Variants in NIBAN1 observed in about 807,000 individuals in gnomAD.
NIBAN1 encodes the protein niban apoptosis regulator 1, also known as protein Niban 1.
Under a neutral mutation model 75.1 loss-of-function variants are expected in NIBAN1, and 81 were observed. The ratio of observed to expected loss-of-function variants is 1.08; its 90% CI spans 0.90 to 1.30. NIBAN1 has a LOEUF of 1.30. Ranked by LOEUF, NIBAN1 falls within the 50% of genes most tolerant of loss-of-function variation. The probability of loss-of-function intolerance (pLI) is 0.00; values close to 1 mark genes in which losing one functional copy is unlikely to be tolerated. For synonymous variants in NIBAN1, 436 were observed against 424.8 expected (o/e 1.03, Z -0.32); for missense variants, 1,133 against 1,128.1 (o/e 1.00, Z -0.06).
chr1:184,855,653 C>T (rs1398200035), intron 5 of NIBAN1, among the ~76,000 whole-genome samples: 1 of 152,198 alleles, frequency 6.6e-6, no homozygotes, highest in East Asian at 1.9e-4. Context: ...TTGCTACATT[C>T]TGTCATGCTA....
intron 1 of NIBAN1, among the ~76,000 whole-genome samples, chr1:184,948,866 A>G (rs536806166): frequency 1.4e-4 from 21 of 152,274 alleles, no homozygotes; most frequent in Admixed American, 1.3e-3. Flanking sequence ...GGAAATAGAT[A>G]CTTATATTAC....
chr1:184,803,933 A>G (rs1445980638), intron 11 of NIBAN1, among the ~76,000 whole-genome samples: 3 of 152,224 alleles, frequency 2.0e-5, no homozygotes, highest in Non-Finnish European at 2.9e-5. Flanking sequence ...CAAGATCAAA[A>G]CAGAATGGTG....
intron 9 of NIBAN1, 86 bp from the exon 10 acceptor site, chr1:184,808,321 C>A: frequency 7.6e-7 from 1 of 1,322,270 alleles, no homozygotes; most frequent in South Asian, 1.4e-5. Flanking sequence ...ACATTCTAAG[C>A]AATCAAATGC....
chr1:184,826,529 G>A (rs1009532024), intron 6 of NIBAN1, among the ~76,000 whole-genome samples: 8 of 152,190 alleles, frequency 5.3e-5, no homozygotes, highest in African/African-American at 1.7e-4. Context: ...TGTGGTATGG[G>A]AAGAGTGAGC....
At chr1:184,895,101 T>C (rs1251500474) in intron 2 of NIBAN1, among the ~76,000 whole-genome samples, 2 of 152,178 alleles carry the variant, frequency 1.3e-5, no homozygotes, top group Admixed American at 1.3e-4. Context: ...AAAATAGATA[T>C]GCCAATCTCT....
At chr1:184,822,805 G>A (rs1160254825) in intron 8 of NIBAN1, among the ~76,000 whole-genome samples, 1 of 152,184 alleles carries the variant, frequency 6.6e-6, no homozygotes, top group Non-Finnish European at 1.5e-5. Context: ...GTGTACTTGA[G>A]TAAACCAGGG....
At chr1:184,927,084 G>A (rs146414892) in intron 1 of NIBAN1, among the ~76,000 whole-genome samples, 157 of 152,072 alleles carry the variant, frequency 1.0e-3, no homozygotes, top group African/African-American at 3.4e-3. Flanking sequence ...GAATTTTGTT[G>A]AATTTCCTCA....
intron 1 of NIBAN1, among the ~76,000 whole-genome samples, chr1:184,925,230 C>A (rs1657652622): frequency 6.6e-6 from 1 of 151,824 alleles, no homozygotes; most frequent in African/African-American, 2.4e-5. Context: ...TAGTTTACTC[C>A]TGCTCTTTTT....
chr1:184,892,354 T>C lies in NIBAN1; in HGVS notation c.318+1721A>G, dbSNP rs117379631. On this transcript the variant is annotated intron_variant, in intron 3 of 13. Transcript: ENST00000367511. ...AGCTTAGGCAAGGGCGCCTATCTAG[T>C]AAGTGGTAAAGGTATGAGTCAAAGC... Among the ~76,000 whole-genome samples the C allele has an allele frequency of 2.5e-4, 38 of 152,254 alleles. No homozygotes were observed. The East Asian group carries it at 7.3e-3, about 29-fold the overall frequency.
intron 9 of NIBAN1, among the ~76,000 whole-genome samples, chr1:184,811,882 C>T (rs959495750): frequency 6.6e-6 from 1 of 152,142 alleles, no homozygotes; most frequent in Non-Finnish European, 1.5e-5. Flanking sequence ...AACTGCTATT[C>T]CCTTTGGAAT....
intron 1 of NIBAN1, among the ~76,000 whole-genome samples, chr1:184,957,362 C>A (rs567042320): frequency 6.6e-6 from 1 of 152,326 alleles, no homozygotes; most frequent in African/African-American, 2.4e-5. Context: ...AAGCAGAATA[C>A]CTCACAGGCA....
chr1:184,925,772 T>C (rs988012752), intron 1 of NIBAN1, among the ~76,000 whole-genome samples: 3 of 152,226 alleles, frequency 2.0e-5, no homozygotes, highest in Admixed American at 6.5e-5. Context: ...GTTATATTTA[T>C]AGCTTATTGT....
intron 1 of NIBAN1, among the ~76,000 whole-genome samples, chr1:184,936,366 A>G (rs1214343954): frequency 6.6e-6 from 1 of 152,206 alleles, no homozygotes; most frequent in Non-Finnish European, 1.5e-5. Context: ...GGGGAGGAAC[A>G]GCCATCCAAA....
At chr1:184,798,238 C>A in intron 12 of NIBAN1, 48 bp from the exon 13 acceptor site, 1 of 1,231,480 alleles carries the variant, frequency 8.1e-7, no homozygotes. Context: ...CATGAGATGC[C>A]TGTTCTTAGA....
At chr1:184,865,993 T>C (rs1283591664) in intron 5 of NIBAN1, among the ~76,000 whole-genome samples, 1 of 152,198 alleles carries the variant, frequency 6.6e-6, no homozygotes, top group East Asian at 1.9e-4. Context: ...TTATTAACTA[T>C]TCTTATCATT....
intron 5 of NIBAN1, among the ~76,000 whole-genome samples, chr1:184,867,530 A>G (rs1655990663): frequency 6.6e-6 from 1 of 152,168 alleles, no homozygotes; most frequent in Non-Finnish European, 1.5e-5. Flanking sequence ...CCTCCTCACT[A>G]GGGATTTAAG....
chr1:184,863,247 T>G (rs891108108), intron 5 of NIBAN1, among the ~76,000 whole-genome samples: 1 of 152,226 alleles, frequency 6.6e-6, no homozygotes, highest in Non-Finnish European at 1.5e-5. Context: ...CTGGAACTAC[T>G]GATACCTTAT....
At chr1:184,870,043 C>T (rs183851635) in intron 5 of NIBAN1, among the ~76,000 whole-genome samples, 197 of 152,280 alleles carry the variant, frequency 1.3e-3, no homozygotes, top group African/African-American at 4.5e-3. Flanking sequence ...TTAAAATGTA[C>T]GTTTCTGGGC....
chr1:184,923,437 G>A (rs1657608898), intron 1 of NIBAN1, among the ~76,000 whole-genome samples: 1 of 152,066 alleles, frequency 6.6e-6, no homozygotes, highest in Non-Finnish European at 1.5e-5. Context: ...TTGGTTTTAT[G>A]CCAACACCAT....
Sources: gnomAD v4.1 joint callset for allele counts (sites outside exome capture counted in the v4.1 genomes callset) on GRCh38, gnomAD v4.1.1 for gene constraint, MANE v1.5 for transcripts, NCBI Gene and HGNC (gene_info 2026-07-23, HGNC 2026-07-21) for gene names.